The following DNHD1 variants were observed in gnomAD, a reference collection of about 807,000 sequenced individuals.
DNHD1 encodes the protein dynein heavy chain domain-containing protein 1.
Under a neutral mutation model 458.1 loss-of-function variants are expected in DNHD1, and 383 were observed. The observed-to-expected ratio is 0.84, with a 90% CI of 0.77 to 0.91. The LOEUF is 0.91. Ranked by LOEUF, DNHD1 falls within the 40% of genes least tolerant of loss-of-function variation. The pLI is 0.00. For missense variants in DNHD1, 5,336 were observed against 5,866.1 expected, an observed-to-expected ratio of 0.91 and a Z score of 2.95; for synonymous variants, 2,203 against 2,376.9, an observed-to-expected ratio of 0.93 and a Z score of 2.13.
rs1349812477 is a variant in DNHD1, at chr11:6,567,507, G to A, written c.11998G>A (p.Val4000Ile). 9 of 1,613,568 alleles carry A rather than the reference G, an allele frequency of 5.6e-6. No homozygotes were observed. In the Admixed American group the frequency reaches 1.2e-4, roughly 21 times the overall value. The change falls in exon 36 of 43, where the codon GTT (valine) becomes ATT (isoleucine). Residue 4000 changes from valine to isoleucine, a missense_variant. Transcript: ENST00000254579. The stretch of plus-strand genomic sequence containing the variant: ...GATGTTAGAGCTGCTGCCCCCATTT[G>A]TTGGCCTGTGTGCCTCCCTGGCAGG... ...CEMLELLPPF[V>I]GLCASLAGHS...
In DNHD1 at chr11:6,571,832, C is replaced by G. The variant is rs762073566; in HGVS notation, c.14108C>G (p.Thr4703Ser). 1.4e-5 allele frequency: 23 copies of G among 1,613,944 alleles called. No individual in the cohort carries two copies. In the South Asian group the frequency reaches 2.4e-4, roughly 17 times the overall value. The change falls in exon 43 of 43, where the codon ACT becomes AGT. Residue 4703 changes from threonine (T) to serine (S), a missense_variant. Physicochemically the swap from Thr to Ser is moderately conservative, Grantham distance 58 (BLOSUM62 1). Coordinates refer to ENST00000254579, the MANE Select transcript of DNHD1 (RefSeq NM_144666.3). The surrounding 1 kb of genome is among the most constrained non-coding windows in gnomAD (Gnocchi z 5.0). ...GACCTGCCAGCCCCAGCCGACCTGACTGTGTACTCGTGTCCTGTGTACATG... is the reference window on the plus strand; with the variant it reads ...GACCTGCCAGCCCCAGCCGACCTGAGTGTGTACTCGTGTCCTGTGTACATG... ...TSDLPAPADL[T>S]VYSCPVYMGG...
rs1252349751 is a variant in DNHD1, at chr11:6,548,101, T to TA, written c.6905+66dup. On this transcript the variant is annotated intron_variant, in intron 22 of 42. Transcript: ENST00000254579. This position sits in a 1 kb window ranked among gnomAD's most constrained non-coding sequence, Gnocchi z 4.4. ...GCTGAGATGGACTGGCCCATGGAAG[T>TA]AAAAACCCACATGACATCACTGTTA... 11 of 1,548,662 alleles carry TA rather than the reference T, an allele frequency of 7.1e-6. No individual in the cohort carries two copies. The Admixed American group carries it at 2.0e-4, about 28-fold the overall frequency.
rs746562598 is a variant in DNHD1 at position 6,546,623 on chromosome 11, C to T, written c.5684C>T (p.Pro1895Leu). The change falls in exon 21 of 43, where the codon CCG becomes CTG. Residue 1895 changes from proline (P) to leucine (L), a missense_variant. By Grantham distance (98) the Pro-to-Leu change is moderately conservative (BLOSUM62 -3). Around this residue, in one of 4 missense-constraint regions of DNHD1, gnomAD observed 3,932 missense variants for 4,365.6 expected, o/e 0.90. Transcript: ENST00000254579. ...ACACTAAATGTGACCAAGGAGGAAC[C>T]GAAGTGCCAGAAGCCTCGCAGCCTA... is the stretch of plus-strand genomic sequence containing the variant. ...IRTLNVTKEE[P>L]KCQKPRSLAA... The T allele has an allele frequency of 3.7e-5, 57 of 1,551,314 alleles. No homozygotes were observed. Among genetic ancestry groups the T allele is most frequent in the African/African-American group, 4.1e-5 (3 of 73,026 alleles).
Position 6,548,983 on chromosome 11 carries a change from C to A in DNHD1, c.7387+50C>A, listed in dbSNP as rs781564082. 5 of 1,518,216 alleles carry A rather than the reference C, an allele frequency of 3.3e-6. No homozygotes were observed. The African/African-American group carries it at 5.6e-5, about 17-fold the overall frequency. The allele number at this position is 1,518,216 out of a possible 1,614,324, so 94.0% of individuals were successfully genotyped here. On this transcript the variant is annotated intron_variant, in intron 24 of 42. Transcript: ENST00000254579. This position sits in a 1 kb window ranked among gnomAD's most constrained non-coding sequence, Gnocchi z 4.4. ...AAGGAGCTACTGTCATCTCTTGAGACTATAAAATCCCTAGCAATATTCATT... is the reference window on the plus strand; with the variant it reads ...AAGGAGCTACTGTCATCTCTTGAGAATATAAAATCCCTAGCAATATTCATT...
At chr11:6,556,143 A>AT (rs944732552) in intron 24 of DNHD1, among the ~76,000 whole-genome samples, 3 of 151,788 alleles carry the variant, frequency 2.0e-5, no homozygotes, top group Non-Finnish European at 4.4e-5. Flanking sequence ...CAGCTATTTT[A>AT]TTTTTCATTT....
intron 3 of DNHD1, among the ~76,000 whole-genome samples, chr11:6,501,006 G>A (rs1327674234): frequency 2.0e-5 from 3 of 152,040 alleles, no homozygotes; most frequent in Admixed American, 6.6e-5. Context: ...TGGGGGGAGT[G>A]TTCAAGTCTA....
chr11:6,546,401 T>C lies in DNHD1; in HGVS notation c.5462T>C (p.Leu1821Pro). ...GCTGTGCCTGCCAACCTGCACCTGC[T>C]GCTGCGGCCTGTGGCATTGGCATTG... The part of the protein sequence containing the change: ...SSAVPANLHL[L>P]LRPVALALPD... The change falls in exon 21 of 43, where the codon CTG becomes CCG. Residue 1821 changes from leucine (L) to proline (P), a missense_variant. Coordinates refer to ENST00000254579, the MANE Select transcript of DNHD1 (RefSeq NM_144666.3). The C allele has an allele frequency of 6.4e-7, 1 of 1,552,076 alleles. No individual in the cohort carries two copies. Among genetic ancestry groups the C allele is most frequent in the Non-Finnish European group, 8.7e-7 (1 of 1,147,062 alleles).
intron 3 of DNHD1, among the ~76,000 whole-genome samples, chr11:6,501,201 T>G (rs1209556378): frequency 6.6e-6 from 1 of 151,512 alleles, no homozygotes; most frequent in East Asian, 1.9e-4. Flanking sequence ...GAAGATGAAG[T>G]GGAAATCGCA....
intron 17 of DNHD1, 23 bp downstream of exon 17, chr11:6,539,336 G>A (rs963782013): frequency 2.0e-5 from 31 of 1,517,934 alleles, no homozygotes; most frequent in East Asian, 2.5e-5. Context: ...GTACAGGGGC[G>A]AGGGAGGTGG....
Position 6,558,634 on chromosome 11 carries a change from C to T in DNHD1, c.9152C>T (p.Ala3051Val). Residue 3051 changes from alanine (A) to valine (V), a missense_variant, in exon 26 of 43, where the codon GCC (alanine) becomes GTC (valine). This residue lies in a region of DNHD1 where 3,932 missense variants were observed against 4,365.6 expected (regional missense o/e 0.90). Transcript: ENST00000254579. ...IDRYEPWDQA[A>V]LAKVAQHHLE... ...CGCTATGAACCCTGGGACCAAGCTG[C>T]CCTGGCCAAGGTGGCCCAGCATCAC... The T allele has an allele frequency of 1.9e-6, 3 of 1,551,648 alleles. No homozygotes were observed. Among genetic ancestry groups the T allele is most frequent in the South Asian group, 2.4e-5 (2 of 84,064 alleles).
At position 6,539,897 on chromosome 11, in the gene DNHD1, C is replaced by A. The variant is rs202125606; in HGVS notation, c.3442C>A (p.Arg1148=). The part of the protein sequence containing the change: ...INQVWQNENE[R]IHAQETIRRL... ...CCAGGTCTGGCAGAATGAAAATGAA[C>A]GAATTCATGCCCAAGAGACTATACG... is the stretch of plus-strand genomic sequence containing the variant. The change falls in exon 18 of 43, where the codon CGA becomes AGA. Residue 1148 remains arginine (R), a synonymous_variant. Transcript: ENST00000254579. The A allele has an allele frequency of 9.0e-6, 14 of 1,551,628 alleles. No individual in the cohort carries two copies. Among genetic ancestry groups the A allele is most frequent in the African/African-American group, 2.7e-5 (2 of 73,054 alleles).
At chr11:6,518,352 G>A (rs988543543) in intron 7 of DNHD1, among the ~76,000 whole-genome samples, 1 of 152,170 alleles carries the variant, frequency 6.6e-6, no homozygotes, top group African/African-American at 2.4e-5. Context: ...ATGAGCCACT[G>A]TGCCCATCCT....
In DNHD1 at chr11:6,559,182, G is replaced by C. The variant is rs1461882246; in HGVS notation, c.9418G>C (p.Val3140Leu). Residue 3140 changes from valine to leucine, a missense_variant and splice_region_variant, in exon 28 of 43, where the codon GTC becomes CTC. This residue lies in a region of DNHD1 where 3,932 missense variants were observed against 4,365.6 expected (regional missense o/e 0.90). Transcript: ENST00000254579. ...CTCACCAGCACATTGTATCTCCAGG[G>C]TCCAGAATGCCTTGGAGAATCTGAG... ...ILKIKNKAQR[V>L]QNALENLRML... 1 of 1,551,576 alleles carries C rather than the reference G, an allele frequency of 6.4e-7. No homozygotes were observed. The highest frequency in any genetic ancestry group is 1.4e-5 in the African/African-American group (1 of 73,016).
At chr11:6,525,938 G>C (rs1170948289) in intron 10 of DNHD1, among the ~76,000 whole-genome samples, 1 of 151,982 alleles carries the variant, frequency 6.6e-6, no homozygotes, top group Non-Finnish European at 1.5e-5. Flanking sequence ...GGGAAGGATT[G>C]TCAGGTATGT....
rs184857793 is a variant in DNHD1, at chr11:6,540,792, T to C, written c.3628+709T>C. On this transcript the variant is annotated intron_variant, in intron 18 of 42. Transcript: ENST00000254579. Reference sequence around the variant, plus strand: ...ATCCAAGATGATATAGCTAGGGCATTGCCAATAGAGGAGAATTTTCTTATT... The same window carrying C: ...ATCCAAGATGATATAGCTAGGGCATCGCCAATAGAGGAGAATTTTCTTATT... Among the ~76,000 whole-genome samples the C allele has an allele frequency of 3.1e-3, 466 of 152,320 alleles. 2 individuals carry two copies. Among genetic ancestry groups the C allele is most frequent in the Middle Eastern group, 3.4e-3 (1 of 294 alleles).
At chr11:6,502,703 T>C in intron 3 of DNHD1, 50 bp from the exon 4 acceptor site, 1 of 1,519,208 alleles carries the variant, frequency 6.6e-7, no homozygotes, top group Non-Finnish European at 8.8e-7. Context: ...CCCTCTAAGG[T>C]ACTTGACCTT....
Position 6,566,348 on chromosome 11 carries a change from T to C in DNHD1, c.11161T>C (p.Cys3721Arg). The change falls in exon 34 of 43, where the codon TGT becomes CGT. Residue 3721 changes from cysteine to arginine, a missense_variant. Cys to Arg is a radical substitution (Grantham distance 180). Transcript: ENST00000254579. Reference sequence around the variant, plus strand: ...TCCACCCCAGGTGCAGCCTGGCTTCTGTCTGTATCTCAGCACCACCCTCTC... The same window carrying C: ...TCCACCCCAGGTGCAGCCTGGCTTCCGTCTGTATCTCAGCACCACCCTCTC... Reference protein sequence around the residue: ...LSPPQVQPGFCLYLSTTLSLC... With the variant: ...LSPPQVQPGFRLYLSTTLSLC... 6.4e-7 allele frequency: 1 copy of C among 1,556,274 alleles called. No individual in the cohort carries two copies. Among genetic ancestry groups the C allele is most frequent in the Non-Finnish European group, 8.7e-7 (1 of 1,149,652 alleles).
chr11:6,528,520 A>G lies in DNHD1; in HGVS notation c.1838-2A>G. 6.5e-7 allele frequency: 1 copy of G among 1,548,478 alleles called. No homozygotes were observed. On this transcript the variant is annotated splice_acceptor_variant, in intron 10 of 42. Transcript: ENST00000254579. LOFTEE classifies it high-confidence loss of function. ...GGACAATTATGGCCTGTGCTCCACTAGAAGAAGATGAAGAGGAGGACTCAA... is the reference window on the plus strand; with the variant it reads ...GGACAATTATGGCCTGTGCTCCACTGGAAGAAGATGAAGAGGAGGACTCAA...
chr11:6,543,958 CAAAAAAAAAAAAAAAAA>C (rs34739231), intron 18 of DNHD1, among the ~76,000 whole-genome samples, 146 bp from the exon 19 acceptor site: 15 of 74,004 alleles, frequency 2.0e-4, no homozygotes, highest in East Asian at 4.8e-4. Flanking sequence ...GACTCTGTCT[CAAAAAAAAAAAAAAAAA>C]AAAAAAAAAA....
Sources: allele counts gnomAD v4.1 joint callset (sites outside exome capture counted in the v4.1 genomes callset), GRCh38; gene constraint gnomAD v4.1.1; regional missense constraint gnomAD v4.1.1; non-coding constraint Gnocchi (gnomAD v3.1); transcripts MANE v1.5; gene names NCBI Gene and HGNC (gene_info 2026-07-23, HGNC 2026-07-21).